CASD1: variants seen among roughly 807,000 people sequenced by gnomAD.
CASD1 encodes CAS1 domain sialic acid O acetyltransferase 1.
CASD1 carries 41 observed loss-of-function variants against 100.0 expected under a neutral mutation model. That is an observed-to-expected ratio of 0.41 (90% CI 0.32 to 0.53). CASD1 has a LOEUF of 0.53. CASD1 is among the 20% of genes least tolerant of loss of function. The pLI is 0.25. For missense variants in CASD1, 774 were observed against 948.7 expected (o/e 0.82, Z 2.42); for synonymous variants, 321 against 315.6 (o/e 1.02, Z -0.18).
chr7:94,594,725 T>C, the CASD1 span, among the ~76,000 whole-genome samples: 1 of 152,086 alleles, frequency 6.6e-6, no homozygotes, highest in Non-Finnish European at 1.5e-5. Context: ...TCTATTATCT[T>C]TGTAACTTTC....
the CASD1 span, chr7:94,603,238 C>T: frequency 6.9e-7 from 1 of 1,457,290 alleles, no homozygotes; most frequent in African/African-American, 1.4e-5. Flanking sequence ...CAAACGTTAA[C>T]TCCAGCCACA....
the CASD1 span, chr7:94,599,435 A>C: frequency 1.3e-5 from 6 of 467,282 alleles, no homozygotes; most frequent in East Asian, 2.1e-4. Context: ...AAATCACATA[A>C]TATAAATGGT....
intron 2 of CASD1, among the ~76,000 whole-genome samples, chr7:94,517,857 G>T (rs1309075481): frequency 6.6e-6 from 1 of 152,178 alleles, no homozygotes; most frequent in East Asian, 1.9e-4. Flanking sequence ...TATCTCAGGT[G>T]TGTGATAACT....
chr7:94,545,023 A>C (rs1013285540), intron 11 of CASD1, among the ~76,000 whole-genome samples: 10 of 152,122 alleles, frequency 6.6e-5, no homozygotes, highest in African/African-American at 2.4e-4. Flanking sequence ...CACTAGTAAA[A>C]ATCTGCTGAA....
chr7:94,558,139 C>T (rs1796268217), downstream of CASD1, among the ~76,000 whole-genome samples: 1 of 152,266 alleles, frequency 6.6e-6, no homozygotes, highest in South Asian at 2.1e-4. Flanking sequence ...GCCAAAACTT[C>T]CCATTTTTGT....
chr7:94,524,003 T>C (rs1482891246), intron 3 of CASD1, among the ~76,000 whole-genome samples: 4 of 152,088 alleles, frequency 2.6e-5, no homozygotes, highest in Non-Finnish European at 5.9e-5. Context: ...AAAGTTGAAA[T>C]TGGATTCCTA....
At chr7:94,628,500 G>A in the CASD1 span, 1 of 625,526 alleles carries the variant, frequency 1.6e-6, no homozygotes, top group Non-Finnish European at 2.7e-6. Context: ...AACCCATCTG[G>A]GAATTTAAAT....
the CASD1 span, among the ~76,000 whole-genome samples, chr7:94,583,200 G>A: frequency 2.6e-5 from 4 of 152,058 alleles, no homozygotes; most frequent in African/African-American, 4.8e-5. Context: ...GCTTTACTTA[G>A]TGCTCTTTTC....
chr7:94,535,910 T>C (rs2116327455), intron 8 of CASD1, among the ~76,000 whole-genome samples: 1 of 152,322 alleles, frequency 6.6e-6, no homozygotes, highest in Admixed American at 6.5e-5. Flanking sequence ...CAATGAAGAA[T>C]ACACTTCTTA....
At chr7:94,548,004 A>G (rs186934033) in intron 13 of CASD1, among the ~76,000 whole-genome samples, 25 of 151,714 alleles carry the variant, frequency 1.6e-4, no homozygotes, top group Middle Eastern at 6.8e-3. Flanking sequence ...TTAAAGCACT[A>G]CTATTTCTGC....
Position 94,535,364 on chromosome 7 carries a change from G to A in CASD1, c.684G>A (p.Lys228=). 6.2e-7 allele frequency: 1 copy of A among 1,613,524 alleles called. No individual in the cohort carries two copies. Among genetic ancestry groups the A allele is most frequent in the Non-Finnish European group, 8.5e-7 (1 of 1,179,696 alleles). The change falls in exon 8 of 18, where the codon AAG becomes AAA. Residue 228 remains lysine, a synonymous_variant. Transcript: ENST00000297273. The part of the protein sequence containing the change: ...SENRKMITNE[K]IDAYNEAAVS... ...ATAGGAAGATGATCACTAATGAGAA[G>A]ATAGATGCTTACAATGAAGCTGCAG...
chr7:94,549,690 T>C (rs771106916), intron 14 of CASD1, 56 bp downstream of exon 14: 29 of 1,306,550 alleles, frequency 2.2e-5, no homozygotes, highest in Non-Finnish European at 3.1e-5. Context: ...TGGAAAATGA[T>C]TGGAAATTTT....
At chr7:94,615,413 GA>G in the CASD1 span, among the ~76,000 whole-genome samples, 5 of 136,542 alleles carry the variant, frequency 3.7e-5, no homozygotes, top group Middle Eastern at 0.019. Flanking sequence ...TAGATAGATA[GA>G]TAGATAGATA....
the CASD1 span, chr7:94,628,490 A>C: frequency 3.0e-6 from 2 of 669,578 alleles, no homozygotes; most frequent in Non-Finnish European, 5.1e-6. Context: ...ACACATACAA[A>C]ACCCATCTGG....
chr7:94,538,961 A>G lies in CASD1; in HGVS notation c.1267-6A>G. The G allele has an allele frequency of 6.5e-7, 1 of 1,545,680 alleles. No individual in the cohort carries two copies. Among genetic ancestry groups the G allele is most frequent in the Non-Finnish European group, 8.9e-7 (1 of 1,125,870 alleles). ...TTTTAAAACAGATTTTGGTTCCTTT[A>G]CACAGACTAAAGTATTAAATAGAGA... is the stretch of plus-strand genomic sequence containing the variant. On this transcript the variant is annotated splice_region_variant and splice_polypyrimidine_tract_variant and intron_variant, in intron 9 of 17. Coordinates refer to ENST00000297273, the MANE Select transcript of CASD1 (RefSeq NM_022900.5).
At chr7:94,573,193 G>A in the CASD1 span, among the ~76,000 whole-genome samples, 1 of 152,228 alleles carries the variant, frequency 6.6e-6, no homozygotes, top group African/African-American at 2.4e-5. Context: ...GCTTAGGACT[G>A]CTTTGGCTAT....
chr7:94,510,246 A>T (rs1211334370), intron 1 of CASD1, 29 bp downstream of exon 1: 17 of 1,419,076 alleles, frequency 1.2e-5, no homozygotes, highest in Admixed American at 1.1e-4. Context: ...CTGCCCGGGC[A>T]GGCCGTGGGG....
chr7:94,625,626 C>T, the CASD1 span: 1 of 152,064 alleles, frequency 6.6e-6, no homozygotes, highest in African/African-American at 2.4e-5. Context: ...TTTTTGAGCT[C>T]TACCAAAATG....
rs1793606981 is a variant in CASD1, at chr7:94,510,025, T to C, written c.-60T>C. 2 of 1,438,006 alleles carry C rather than the reference T, an allele frequency of 1.4e-6. No individual in the cohort carries two copies. Among genetic ancestry groups the C allele is most frequent in the Non-Finnish European group, 1.8e-6 (2 of 1,083,708 alleles). 89.1% of individuals were successfully genotyped at this position (1,438,006 alleles called of 1,614,324 possible). A position where few individuals can be genotyped will look rare whatever the true frequency, so the allele number is the denominator to read the frequency against. Reference sequence around the variant, plus strand: ...GCTGCAGCGGCGGCAGCCCCAGTGCTGCCCCTGTGCGGCGCCCCTTTCCCG... The same window carrying C: ...GCTGCAGCGGCGGCAGCCCCAGTGCCGCCCCTGTGCGGCGCCCCTTTCCCG... On this transcript the variant is annotated 5_prime_UTR_variant, in exon 1 of 18. Transcript: ENST00000297273.
Sources: gnomAD v4.1 joint callset for allele counts (sites outside exome capture counted in the v4.1 genomes callset) on GRCh38, gnomAD v4.1.1 for gene constraint, MANE v1.5 for transcripts, NCBI Gene and HGNC (gene_info 2026-07-23, HGNC 2026-07-21) for gene names.